The following LCA5L variants were observed in gnomAD, a reference collection of about 807,000 sequenced individuals.
LCA5L encodes the protein lebercilin-like protein.
In LCA5L, 35 loss-of-function variants were observed where a neutral mutation model predicts 45.4. The ratio of observed to expected loss-of-function variants is 0.77; its 90% CI spans 0.59 to 1.02. LCA5L has a LOEUF of 1.02. Ranked by LOEUF, LCA5L falls within the 50% of genes least tolerant of loss-of-function variation. The pLI, the probability that LCA5L is intolerant of heterozygous loss-of-function variation, is 0.00. For synonymous variants in LCA5L, 233 were observed against 264.7 expected, an observed-to-expected ratio of 0.88 and a Z score of 1.16; for missense variants, 668 against 761.6, an observed-to-expected ratio of 0.88 and a Z score of 1.45.
rs1601838162 is a variant in LCA5L, at chr21:39,423,188, T to G, written c.625A>C (p.Asn209His). Reference protein sequence around the residue: ...IMAKHQNEVKNLRQLLRKSQE... With the variant: ...IMAKHQNEVKHLRQLLRKSQE... ...GATTTCCTAAGTAGTTGCCTTAAAT[T>G]TTTTACTTCATTCTGATGTTTAGCC... Residue 209 changes from asparagine (N) to histidine (H), a missense_variant, in exon 6 of 11, where the codon AAT (asparagine) becomes CAT (histidine). Transcript: ENST00000288350. 2 of 1,613,250 alleles carry G rather than the reference T, an allele frequency of 1.2e-6. No individual in the cohort carries two copies. The highest frequency in any genetic ancestry group is 1.7e-6 in the Non-Finnish European group (2 of 1,179,706).
chr21:39,410,361 G>T lies in LCA5L; in HGVS notation c.1067C>A (p.Ser356Ter). The change falls in exon 9 of 11, where the codon TCA becomes TAA. Residue 356 changes from serine (S) to a stop codon, truncating the protein, a stop_gained. Coordinates refer to ENST00000288350, the MANE Select transcript of LCA5L (RefSeq NM_152505.4). LOFTEE classifies it high-confidence loss of function. ...TCTGTCTGCTTGGACTGATTTTGTT[G>T]AAGAAACTATGGAACAGGTAGATTA... ...HDTEDYPKVS[S>*]TKSVQADRKI... 1.3e-6 allele frequency: 2 copies of T among 1,577,590 alleles called. No homozygotes were observed. The highest frequency in any genetic ancestry group is 8.7e-7 in the Non-Finnish European group (1 of 1,153,480).
chr21:39,418,434 ATCTT>A (rs1197431822), intron 7 of LCA5L, among the ~76,000 whole-genome samples: 3 of 152,194 alleles, frequency 2.0e-5, no homozygotes, highest in Non-Finnish European at 4.4e-5. Context: ...AGAATTTTCT[ATCTT>A]TTCATTAAGC....
intron 6 of LCA5L, 75 bp downstream of exon 6, chr21:39,422,901 G>A (rs370045972): frequency 4.7e-5 from 61 of 1,307,758 alleles, no homozygotes; most frequent in African/African-American, 3.7e-4. Flanking sequence ...CAGAGGGGGC[G>A]CATCCATGAT....
intron 3 of LCA5L, among the ~76,000 whole-genome samples, chr21:39,431,062 A>G (rs928816664): frequency 6.6e-6 from 1 of 152,256 alleles, no homozygotes; most frequent in East Asian, 1.9e-4. Context: ...GTAGAGCCAC[A>G]TAAGAATAAA....
chr21:39,406,377 A>C lies in LCA5L; in HGVS notation c.1518T>G (p.Leu506=). The C allele has an allele frequency of 6.2e-7, 1 of 1,613,702 alleles. No individual in the cohort carries two copies. The highest frequency in any genetic ancestry group is 8.5e-7 in the Non-Finnish European group (1 of 1,179,896). ...TCGTGTAGGGAGCAGTGCCTTTGCC[A>C]AGTGTGTCATCCACACCATTTCTCT... is the stretch of plus-strand genomic sequence containing the variant. ...SMQRNGVDDT[L]GKGTAPYTKG... The change falls in exon 11 of 11, where the codon CTT becomes CTG. Residue 506 remains leucine (L), a synonymous_variant. Transcript: ENST00000288350.
At chr21:39,414,503 A>C (rs1393342879) in intron 7 of LCA5L, among the ~76,000 whole-genome samples, 1 of 152,200 alleles carries the variant, frequency 6.6e-6, no homozygotes, top group Non-Finnish European at 1.5e-5. Context: ...ACTTTCGTTA[A>C]TGTGGCAGAC....
chr21:39,412,240 T>C (rs1419110371), intron 7 of LCA5L, among the ~76,000 whole-genome samples: 2 of 152,202 alleles, frequency 1.3e-5, no homozygotes, highest in East Asian at 3.8e-4. Flanking sequence ...ACTACAGTAT[T>C]GGATGGCACA....
At chr21:39,440,693 C>T (rs2076749983) in intron 2 of LCA5L, among the ~76,000 whole-genome samples, 2 of 152,192 alleles carry the variant, frequency 1.3e-5, no homozygotes, top group African/African-American at 4.8e-5. Context: ...GGACAGGTGA[C>T]ATTCACTAGT....
Position 39,412,686 on chromosome 21 carries a change from A to AGG in LCA5L, c.976-886_976-885dup, listed in dbSNP as rs993496073. ...CCCTTAGGGTCAAATCTATGGGCCAAGGGATATTCAGGGGGTGAGAAACAT... is the reference window on the plus strand; with the variant it reads ...CCCTTAGGGTCAAATCTATGGGCCAAGGGGGATATTCAGGGGGTGAGAAACAT... On this transcript the variant is annotated intron_variant, in intron 7 of 10. Transcript: ENST00000288350. Among the ~76,000 whole-genome samples the AGG allele has an allele frequency of 4.6e-5, 7 of 152,166 alleles. No individual in the cohort carries two copies. The East Asian group carries it at 1.2e-3, about 25-fold the overall frequency.
At chr21:39,415,297 A>G (rs974598369) in intron 7 of LCA5L, among the ~76,000 whole-genome samples, 12 of 152,026 alleles carry the variant, frequency 7.9e-5, no homozygotes, top group African/African-American at 2.7e-4. Context: ...AGCCATTTCT[A>G]CTCTTTTAAA....
At position 39,430,668 on chromosome 21, in the gene LCA5L, C is replaced by A. The variant is rs990274047; in HGVS notation, c.-91-1457G>T. 1.1e-4 allele frequency among the ~76,000 whole-genome samples: 16 copies of A among 152,268 alleles called. No homozygotes were observed. In the South Asian group the frequency reaches 2.1e-3, roughly 20 times the overall value. On this transcript the variant is annotated intron_variant, in intron 3 of 10. Coordinates refer to ENST00000288350, the MANE Select transcript of LCA5L (RefSeq NM_152505.4). ...GGAATGAGACAGCAGTCACGTCCCC[C>A]CATCCCCCCAGCTGAGCTAAGTAAT...
intron 7 of LCA5L, among the ~76,000 whole-genome samples, chr21:39,417,436 G>A (rs1224171313): frequency 6.6e-6 from 1 of 152,182 alleles, no homozygotes; most frequent in Admixed American, 6.5e-5. Context: ...TTCTAGAGCT[G>A]TCCCTTCTAC....
intron 2 of LCA5L, among the ~76,000 whole-genome samples, chr21:39,442,282 T>C (rs966788541): frequency 2.0e-5 from 3 of 151,836 alleles, no homozygotes; most frequent in Non-Finnish European, 4.4e-5. Flanking sequence ...TGAAGCCCAG[T>C]GAGAAGGGCC....
At chr21:39,440,389 C>A (rs920583514) in intron 2 of LCA5L, among the ~76,000 whole-genome samples, 1 of 152,016 alleles carries the variant, frequency 6.6e-6, no homozygotes, top group Non-Finnish European at 1.5e-5. Context: ...CAGGGAGATG[C>A]CATCTCTATA....
In LCA5L at chr21:39,409,745, G is replaced by A. The variant is rs374529494; in HGVS notation, c.1282+234C>T. Among the ~76,000 whole-genome samples the A allele has an allele frequency of 2.7e-3, 413 of 152,148 alleles. 5 individuals carry two copies. The highest frequency in any genetic ancestry group is 9.4e-3 in the African/African-American group (390 of 41,530). On this transcript the variant is annotated intron_variant, in intron 10 of 10. Transcript: ENST00000288350. The surrounding 1 kb of genome is among the most constrained non-coding windows in gnomAD (Gnocchi z 4.2). Reference sequence around the variant, plus strand: ...GTAGCTGGGATTACAGGCACATACCGCCATGTGCGGTTAAGTTTTGTATTT... The same window carrying A: ...GTAGCTGGGATTACAGGCACATACCACCATGTGCGGTTAAGTTTTGTATTT...
At chr21:39,425,483 A>G (rs1008971778) in intron 5 of LCA5L, among the ~76,000 whole-genome samples, 3 of 152,190 alleles carry the variant, frequency 2.0e-5, no homozygotes, top group African/African-American at 7.2e-5. Flanking sequence ...AGTAGGGGCT[A>G]TGGCTGAATA....
intron 9 of LCA5L, 64 bp from the exon 10 acceptor site, chr21:39,410,160 T>TA: frequency 7.7e-7 from 1 of 1,295,044 alleles, no homozygotes; most frequent in Non-Finnish European, 1.1e-6. Context: ...AATTGCATTT[T>TA]ATTCTAATGA....
chr21:39,408,386 G>C (rs1322092381), intron 10 of LCA5L, among the ~76,000 whole-genome samples: 3 of 152,160 alleles, frequency 2.0e-5, no homozygotes, highest in African/African-American at 4.8e-5. Flanking sequence ...GGAGGACTTG[G>C]CTTAGGAAAG....
chr21:39,405,938 C>A lies in LCA5L; in HGVS notation c.1957G>T (p.Val653Leu), dbSNP rs773041334. The A allele has an allele frequency of 1.2e-6, 2 of 1,612,634 alleles. No homozygotes were observed. The highest frequency in any genetic ancestry group is 2.2e-5 in the South Asian group (2 of 91,012). ...GGTGACGATGGCTTAATAGAATTTA[C>A]CACAGTTACTTTAGAGTCTCCGAAA... ...HAFGDSKVTV[V>L]NSIKPSSPTE... Residue 653 changes from valine to leucine, a missense_variant, in exon 11 of 11, where the codon GTA (valine) becomes TTA (leucine). Physicochemically the swap from Val to Leu is conservative, Grantham distance 32. Coordinates refer to ENST00000288350, the MANE Select transcript of LCA5L (RefSeq NM_152505.4).
Sources: gnomAD v4.1 joint callset for allele counts (sites outside exome capture counted in the v4.1 genomes callset) on GRCh38, gnomAD v4.1.1 for gene constraint, Gnocchi (gnomAD v3.1) non-coding constraint, MANE v1.5 for transcripts, NCBI Gene and HGNC (gene_info 2026-07-23, HGNC 2026-07-21) for gene names.